Variants in MDGA2 observed in about 807,000 individuals in gnomAD.
MDGA2 encodes MAM domain containing glycosylphosphatidylinositol anchor 2, also known as MAM domain-containing glycosylphosphatidylinositol anchor protein 2.
A neutral mutation model predicts 117.8 loss-of-function variants in MDGA2; 40 were observed. That is an observed-to-expected ratio of 0.34 (90% CI 0.26 to 0.44). The LOEUF is 0.44. MDGA2 is among the 20% of genes least tolerant of loss of function. MDGA2 has a pLI of 1.00. For missense variants in MDGA2, 1,123 were observed against 1,250.6 expected, an observed-to-expected ratio of 0.90 and a Z score of 1.54; for synonymous variants, 452 against 439.0, an observed-to-expected ratio of 1.03 and a Z score of -0.37.
At chr14:46,977,891 A>T (rs1886527331) in intron 8 of MDGA2, among the ~76,000 whole-genome samples, 1 of 151,892 alleles carries the variant, frequency 6.6e-6, no homozygotes, top group Admixed American at 6.6e-5. Flanking sequence ...AGGCCAAAAA[A>T]GTAGATAATG....
chr14:46,926,598 G>T (rs12888829), intron 9 of MDGA2, among the ~76,000 whole-genome samples: 34,031 of 151,916 alleles, frequency 0.22, 4,645 homozygotes, highest in South Asian at 0.41. Context: ...GCAGCTCTCT[G>T]TCATTCCTCC....
At chr14:46,904,665 A>G (rs1431986824) in intron 10 of MDGA2, among the ~76,000 whole-genome samples, 2 of 152,188 alleles carry the variant, frequency 1.3e-5, no homozygotes, top group Non-Finnish European at 2.9e-5. Context: ...TTTATCAAAC[A>G]TTTTTATGTC....
chr14:47,079,619 C>A (rs1174157434), intron 6 of MDGA2, among the ~76,000 whole-genome samples: 1 of 151,562 alleles, frequency 6.6e-6, no homozygotes, highest in South Asian at 2.1e-4. Flanking sequence ...ACATTTATTG[C>A]ATCCAAATGT....
At chr14:46,904,595 C>G (rs1370062586) in intron 10 of MDGA2, among the ~76,000 whole-genome samples, 1 of 152,112 alleles carries the variant, frequency 6.6e-6, no homozygotes, top group African/African-American at 2.4e-5. Flanking sequence ...TTGCTTATTA[C>G]TCATGATTGT....
At chr14:46,933,714 T>C (rs1884666071) in intron 9 of MDGA2, among the ~76,000 whole-genome samples, 1 of 149,508 alleles carries the variant, frequency 6.7e-6, no homozygotes, top group Non-Finnish European at 1.5e-5. Context: ...TAAAGAGGCA[T>C]TATTTCAACA....
At chr14:47,049,749 A>T (rs1023058059) in intron 7 of MDGA2, among the ~76,000 whole-genome samples, 1 of 151,958 alleles carries the variant, frequency 6.6e-6, no homozygotes, top group South Asian at 2.1e-4. Flanking sequence ...ATGTTTTCAA[A>T]AGTGCAGTGG....
intron 3 of MDGA2, among the ~76,000 whole-genome samples, chr14:47,179,948 T>C (rs928577604): frequency 6.6e-6 from 1 of 152,206 alleles, no homozygotes; most frequent in African/African-American, 2.4e-5. Context: ...TTTTATTAGT[T>C]ATGTTAATAT....
chr14:47,145,702 G>C (rs1222537945), intron 3 of MDGA2, among the ~76,000 whole-genome samples: 1 of 152,110 alleles, frequency 6.6e-6, no homozygotes, highest in Non-Finnish European at 1.5e-5. Context: ...TATTTAGGCT[G>C]TTGAAGGATT....
chr14:47,225,581 A>G (rs1165901438), intron 2 of MDGA2, among the ~76,000 whole-genome samples: 2 of 149,464 alleles, frequency 1.3e-5, no homozygotes, highest in Non-Finnish European at 3.0e-5. Context: ...CAAACACCGC[A>G]TGTTCTCACT....
chr14:47,505,623 T>C (rs920719397), intron 1 of MDGA2, among the ~76,000 whole-genome samples: 2 of 152,194 alleles, frequency 1.3e-5, no homozygotes, highest in African/African-American at 4.8e-5. Context: ...ACTATTTTTA[T>C]GTCATTATTT....
intron 1 of MDGA2, among the ~76,000 whole-genome samples, chr14:47,660,482 T>A (rs1471307251): frequency 6.6e-6 from 1 of 152,200 alleles, no homozygotes; most frequent in Non-Finnish European, 1.5e-5. Context: ...TGCACTAATC[T>A]GTAAGCTTTG....
At chr14:47,488,212 G>C (rs1038924530) in intron 1 of MDGA2, among the ~76,000 whole-genome samples, 5 of 152,122 alleles carry the variant, frequency 3.3e-5, no homozygotes, top group African/African-American at 9.7e-5. Context: ...TTCAAACTAA[G>C]ATGATGTACT....
chr14:47,003,436 A>G (rs1389594881), intron 8 of MDGA2, among the ~76,000 whole-genome samples: 2 of 151,970 alleles, frequency 1.3e-5, no homozygotes, highest in African/African-American at 4.8e-5. Context: ...ACAGCAGAGC[A>G]TGTTAAGTTC....
chr14:47,511,488 T>C (rs892792139), intron 1 of MDGA2, among the ~76,000 whole-genome samples: 14 of 152,154 alleles, frequency 9.2e-5, no homozygotes, highest in Admixed American at 6.6e-5. Flanking sequence ...ATGGAAGAGA[T>C]TGTTTTGTTT....
chr14:47,665,704 C>CCCAGCACTGCTGGCCCA (rs955505130), intron 1 of MDGA2, among the ~76,000 whole-genome samples: 1 of 152,162 alleles, frequency 6.6e-6, no homozygotes, highest in Non-Finnish European at 1.5e-5. Flanking sequence ...TGCCAGGTCC[C>CCCAGCACTGCTGGCCCA]CCAGCACTGC....
At chr14:47,372,782 C>CA (rs1359093643) in intron 1 of MDGA2, among the ~76,000 whole-genome samples, 2 of 151,588 alleles carry the variant, frequency 1.3e-5, no homozygotes, top group Non-Finnish European at 2.9e-5. Context: ...TTTGTAGCTG[C>CA]AAAAAAACTG....
At chr14:47,137,946 T>C (rs1882536714) in intron 4 of MDGA2, among the ~76,000 whole-genome samples, 1 of 152,130 alleles carries the variant, frequency 6.6e-6, no homozygotes, top group African/African-American at 2.4e-5. Context: ...GTATATACCA[T>C]GCCAATGGGA....
intron 1 of MDGA2, among the ~76,000 whole-genome samples, chr14:47,377,410 G>C (rs1044135231): frequency 6.6e-6 from 1 of 152,096 alleles, no homozygotes; most frequent in African/African-American, 2.4e-5. Flanking sequence ...AAGCAGGGTG[G>C]GGCATCGCCT....
chr14:46,921,870 G>T (rs1031279828), intron 9 of MDGA2, among the ~76,000 whole-genome samples: 1 of 152,124 alleles, frequency 6.6e-6, no homozygotes, highest in Non-Finnish European at 1.5e-5. Context: ...CATAAACCTA[G>T]AGTGTTTTCA....
Sources: gnomAD v4.1 joint callset for allele counts (sites outside exome capture counted in the v4.1 genomes callset) on GRCh38, gnomAD v4.1.1 for gene constraint, MANE v1.5 for transcripts, NCBI Gene and HGNC (gene_info 2026-07-23, HGNC 2026-07-21) for gene names.